Variants in DLG2 observed in about 807,000 individuals in gnomAD.
DLG2 encodes disks large homolog 2.
Under a neutral mutation model 132.5 loss-of-function variants are expected in DLG2, and 45 were observed. That is an observed-to-expected ratio of 0.34 (90% confidence interval 0.27 to 0.44). The LOEUF (loss-of-function observed/expected upper bound fraction) is 0.44, where lower values mean the gene tolerates loss of function less well. Among genes scored for constraint, DLG2 ranks in the 20% least tolerant of loss-of-function variants. The probability of loss-of-function intolerance (pLI) is 1.00; values close to 1 mark genes in which losing one functional copy is unlikely to be tolerated. For synonymous variants in DLG2, 424 were observed against 419.6 expected, an observed-to-expected ratio of 1.01 and a Z score of -0.13; for missense variants, 1,045 against 1,196.9, an observed-to-expected ratio of 0.87 and a Z score of 1.87.
At chr11:84,050,395 T>C (rs2096346437) in intron 11 of DLG2, among the ~76,000 whole-genome samples, 1 of 151,764 alleles carries the variant, frequency 6.6e-6, no homozygotes, top group African/African-American at 2.4e-5. Flanking sequence ...TTTGTTGGAG[T>C]TCATTGTAGA....
intron 19 of DLG2, among the ~76,000 whole-genome samples, chr11:83,577,190 C>T (rs1370384849): frequency 6.6e-6 from 1 of 151,998 alleles, no homozygotes; most frequent in African/African-American, 2.4e-5. Context: ...CCTCGAACAT[C>T]GGACTCCAAG....
At chr11:84,934,000 T>C (rs187542061) in intron 6 of DLG2, among the ~76,000 whole-genome samples, 2 of 152,312 alleles carry the variant, frequency 1.3e-5, no homozygotes, top group East Asian at 3.9e-4. Flanking sequence ...GTTGTCGGTT[T>C]GTTCTACCTG....
At chr11:83,948,211 C>A (rs971082493) in intron 14 of DLG2, among the ~76,000 whole-genome samples, 1 of 152,194 alleles carries the variant, frequency 6.6e-6, no homozygotes, top group Non-Finnish European at 1.5e-5. Flanking sequence ...CAGTTGATAA[C>A]ATTCCCATTA....
intron 6 of DLG2, among the ~76,000 whole-genome samples, chr11:84,948,038 A>G (rs2050443621): frequency 6.6e-6 from 1 of 152,216 alleles, no homozygotes; most frequent in Non-Finnish European, 1.5e-5. Flanking sequence ...GGAGAGAAGT[A>G]TTCTACCTTT....
rs969013003 is a variant in DLG2, at chr11:84,953,745, C to A, written c.357+157916G>T. ...AATATGATGTCTCTAGAATGCAAAA[C>A]TAATCATATCATTTCTTTGCTTCAA... On this transcript the variant is annotated intron_variant, in intron 6 of 27. Coordinates refer to ENST00000376104, the MANE Select transcript of DLG2 (RefSeq NM_001142699.3). Among the ~76,000 whole-genome samples the A allele has an allele frequency of 2.6e-5, 4 of 152,102 alleles. No homozygotes were observed. In the East Asian group the frequency reaches 7.7e-4, roughly 29 times the overall value.
intron 16 of DLG2, among the ~76,000 whole-genome samples, chr11:83,873,697 A>G (rs2063943967): frequency 6.6e-6 from 1 of 152,194 alleles, no homozygotes; most frequent in Non-Finnish European, 1.5e-5. Context: ...GGCACCAATA[A>G]GCACTCAGTA....
chr11:85,032,052 C>A (rs192505535), intron 6 of DLG2, among the ~76,000 whole-genome samples: 108 of 151,084 alleles, frequency 7.1e-4, no homozygotes, highest in African/African-American at 2.5e-3. Flanking sequence ...ATCTGCCCAC[C>A]CCAGTCTCCC....
At chr11:85,100,369 G>A in intron 6 of DLG2, among the ~76,000 whole-genome samples, 1 of 152,048 alleles carries the variant, frequency 6.6e-6, no homozygotes, top group East Asian at 1.9e-4. Flanking sequence ...CTCTAATTCT[G>A]AAAATAATCT....
intron 6 of DLG2, among the ~76,000 whole-genome samples, chr11:84,696,671 T>A (rs2058649152): frequency 6.6e-6 from 1 of 151,448 alleles, no homozygotes; most frequent in African/African-American, 2.4e-5. Context: ...AGAAGGCACT[T>A]TGTTATGTCT....
chr11:85,053,632 CAAA>C (rs574119257), intron 6 of DLG2, among the ~76,000 whole-genome samples: 134 of 91,162 alleles, frequency 1.5e-3, no homozygotes, highest in African/African-American at 5.8e-3. Flanking sequence ...ACTAAAAATA[CAAA>C]AAAAAAAAAA....
chr11:85,077,506 G>T (rs756957749), intron 6 of DLG2, among the ~76,000 whole-genome samples: 4 of 151,586 alleles, frequency 2.6e-5, no homozygotes, highest in Non-Finnish European at 5.9e-5. Context: ...CAACTTATTT[G>T]CTGGAACTTG....
At chr11:84,736,250 A>G (rs1007217602) in intron 6 of DLG2, among the ~76,000 whole-genome samples, 3 of 151,724 alleles carry the variant, frequency 2.0e-5, no homozygotes, top group Non-Finnish European at 4.4e-5. Context: ...CTTTCCACCA[A>G]TACTATATTT....
intron 4 of DLG2, among the ~76,000 whole-genome samples, chr11:85,223,236 T>A (rs1473510655): frequency 6.6e-6 from 1 of 152,154 alleles, no homozygotes; most frequent in Non-Finnish European, 1.5e-5. Flanking sequence ...TTTCCAAACT[T>A]GGAAATGCAA....
At chr11:85,546,902 G>C (rs1269830037) in intron 3 of DLG2, among the ~76,000 whole-genome samples, 1 of 126,618 alleles carries the variant, frequency 7.9e-6, no homozygotes, top group Non-Finnish European at 1.6e-5. Flanking sequence ...GTGTGTCTTT[G>C]CATGTGAGAT....
intron 6 of DLG2, among the ~76,000 whole-genome samples, chr11:85,027,805 T>C (rs1214499277): frequency 6.6e-6 from 1 of 152,154 alleles, no homozygotes; most frequent in African/African-American, 2.4e-5. Context: ...AAAGAGGGTG[T>C]CACAGCCCTG....
At chr11:83,700,612 A>G (rs74541639) in intron 18 of DLG2, among the ~76,000 whole-genome samples, 1,888 of 152,336 alleles carry the variant, frequency 0.012, 49 homozygotes, top group African/African-American at 0.04. Context: ...ACAAAATGAG[A>G]AAAGATGAAC....
rs556356849 is a variant in DLG2 at position 85,429,990 on chromosome 11, A to C, written c.41-144625T>G. Among the ~76,000 whole-genome samples the C allele has an allele frequency of 2.5e-3, 381 of 152,310 alleles. 1 individual carries two copies. The highest frequency in any genetic ancestry group is 8.8e-3 in the African/African-American group (367 of 41,570). Reference sequence around the variant, plus strand: ...CCAACAATGATAGACTGGATTAAGAAAATGTGGCACACATACACCATGGAA... The same window carrying C: ...CCAACAATGATAGACTGGATTAAGACAATGTGGCACACATACACCATGGAA... On this transcript the variant is annotated intron_variant, in intron 3 of 27. Coordinates refer to ENST00000376104, the MANE Select transcript of DLG2 (RefSeq NM_001142699.3).
At chr11:84,310,059 G>A (rs895516730) in intron 7 of DLG2, among the ~76,000 whole-genome samples, 1 of 152,140 alleles carries the variant, frequency 6.6e-6, no homozygotes, top group African/African-American at 2.4e-5. Context: ...GGGTTCCTGA[G>A]ACCAGAAAAT....
At chr11:83,654,842 T>A (rs368485694) in intron 18 of DLG2, among the ~76,000 whole-genome samples, 3 of 152,242 alleles carry the variant, frequency 2.0e-5, no homozygotes, top group African/African-American at 7.2e-5. Context: ...AGATAAGACC[T>A]TAGTCCCAGA....
Sources: gnomAD v4.1 joint callset for allele counts (sites outside exome capture counted in the v4.1 genomes callset) on GRCh38, gnomAD v4.1.1 for gene constraint, MANE v1.5 for transcripts, NCBI Gene and HGNC (gene_info 2026-07-23, HGNC 2026-07-21) for gene names.